NFXL1: variants seen among roughly 807,000 people sequenced by gnomAD.
NFXL1 encodes the protein nuclear transcription factor, X-box binding like 1.
NFXL1 carries 66 observed loss-of-function variants against 123.3 expected under a neutral mutation model. That is an observed-to-expected ratio of 0.54 (90% CI 0.44 to 0.66). The LOEUF (loss-of-function observed/expected upper bound fraction) is 0.66. Ranked by LOEUF, NFXL1 falls within the 30% of genes least tolerant of loss-of-function variation. The pLI is 0.00. For synonymous variants in NFXL1, 346 were observed against 360.8 expected, an observed-to-expected ratio of 0.96 and a Z score of 0.46; for missense variants, 944 against 1,125.6, an observed-to-expected ratio of 0.84 and a Z score of 2.31.
At chr4:47,900,031 T>G (rs1737294258) in intron 5 of NFXL1, among the ~76,000 whole-genome samples, 1 of 152,212 alleles carries the variant, frequency 6.6e-6, no homozygotes, top group African/African-American at 2.4e-5. Context: ...TTTTTAAGTT[T>G]TGTTTTGTGG....
intron 11 of NFXL1, among the ~76,000 whole-genome samples, chr4:47,892,001 T>G (rs1222921333): frequency 1.3e-5 from 2 of 152,150 alleles, no homozygotes; most frequent in East Asian, 3.8e-4. Flanking sequence ...TAATACTATG[T>G]GCCTATCCTA....
intron 17 of NFXL1, among the ~76,000 whole-genome samples, chr4:47,875,765 G>A (rs1735709060): frequency 6.6e-6 from 1 of 152,022 alleles, no homozygotes; most frequent in Admixed American, 6.5e-5. Context: ...ATCTCATCTT[G>A]CCAAAGAGAA....
intron 11 of NFXL1, among the ~76,000 whole-genome samples, chr4:47,893,267 CAG>C (rs1736886919): frequency 6.7e-6 from 1 of 150,338 alleles, no homozygotes; most frequent in South Asian, 2.1e-4. Flanking sequence ...TAGGGGAAAA[CAG>C]AAAAAAAAAT....
intron 22 of NFXL1, among the ~76,000 whole-genome samples, chr4:47,850,380 G>C (rs988952985): frequency 2.6e-5 from 4 of 151,984 alleles, no homozygotes; most frequent in Non-Finnish European, 5.9e-5. Flanking sequence ...TGCAAATCAC[G>C]CAAGTTTCAA....
Position 47,848,025 on chromosome 4 carries a change from T to G in NFXL1, c.*138A>C. The G allele has an allele frequency of 1.8e-6, 1 of 567,752 alleles. No individual in the cohort carries two copies. Among genetic ancestry groups the G allele is most frequent in the African/African-American group, 1.9e-5 (1 of 53,158 alleles). 35.2% of individuals were successfully genotyped at this position (567,752 alleles called of 1,614,324 possible). On this transcript the variant is annotated 3_prime_UTR_variant, in exon 23 of 23. Transcript: ENST00000507489. Reference sequence around the variant, plus strand: ...AATTAAGATAAAGTTTAACATTCTGTCCTTCTAACAACAGCTGAGAGAATA... The same window carrying G: ...AATTAAGATAAAGTTTAACATTCTGGCCTTCTAACAACAGCTGAGAGAATA...
rs531865506 is a variant in NFXL1 at position 47,885,915 on chromosome 4, C to T, written c.1628G>A (p.Arg543His). 19 of 1,613,494 alleles carry T rather than the reference C, an allele frequency of 1.2e-5. No individual in the cohort carries two copies. The highest frequency in any genetic ancestry group is 1.7e-5 in the Admixed American group (1 of 59,986). Residue 543 changes from arginine (R) to histidine (H), a missense_variant, in exon 13 of 23, where the codon CGT (arginine) becomes CAT (histidine). Arg to His is a conservative substitution (Grantham distance 29). Transcript: ENST00000507489. ...CTTGCACTTGGGTGGTCTTGTGGTA[C>T]GTTCTCGGCCACAGGGCACTGTCAC... ...TKVTVPCGRE[R>H]TTRPPKCKEQ...
intron 3 of NFXL1, among the ~76,000 whole-genome samples, chr4:47,907,671 T>A (rs1031216605): frequency 2.0e-5 from 3 of 152,216 alleles, no homozygotes; most frequent in Non-Finnish European, 4.4e-5. Context: ...ATGGATTTTA[T>A]ACAAAACACA....
chr4:47,892,430 T>C (rs1055203477), intron 11 of NFXL1, among the ~76,000 whole-genome samples: 4 of 152,142 alleles, frequency 2.6e-5, no homozygotes, highest in African/African-American at 4.8e-5. Context: ...ACTTCTTGGG[T>C]CTTTGGCTGA....
chr4:47,864,305 T>C (rs896403663), intron 18 of NFXL1, among the ~76,000 whole-genome samples: 92 of 152,210 alleles, frequency 6.0e-4, no homozygotes, highest in African/African-American at 1.8e-3. Flanking sequence ...ATATACATAT[T>C]GGTTTTCGTC....
At chr4:47,872,968 A>T (rs1187876591) in intron 18 of NFXL1, among the ~76,000 whole-genome samples, 1 of 152,208 alleles carries the variant, frequency 6.6e-6, no homozygotes, top group Admixed American at 6.5e-5. Flanking sequence ...AATTCCTATC[A>T]AACCTGCTGC....
At position 47,899,982 on chromosome 4, in the gene NFXL1, T is replaced by C. The variant is rs186070694; in HGVS notation, c.648-434A>G. On this transcript the variant is annotated intron_variant, in intron 5 of 22. Transcript: ENST00000507489. ...TTAGTTTTCTACTAACCACCTGAAC[T>C]TTATTGAGGAATTCACTCTGCTTTT... 2.0e-3 allele frequency among the ~76,000 whole-genome samples: 306 copies of C among 152,314 alleles called. 1 individual carries two copies. Among genetic ancestry groups the C allele is most frequent in the African/African-American group, 7.1e-3 (295 of 41,574 alleles).
intron 22 of NFXL1, among the ~76,000 whole-genome samples, chr4:47,850,279 C>T (rs1198814089): frequency 1.3e-5 from 2 of 152,068 alleles, no homozygotes; most frequent in Admixed American, 6.5e-5. Flanking sequence ...GTCACCTTGG[C>T]CAACCATTAT....
intron 11 of NFXL1, among the ~76,000 whole-genome samples, 176 bp from the exon 12 acceptor site, chr4:47,890,879 T>C (rs962233388): frequency 7.2e-5 from 11 of 152,168 alleles, no homozygotes; most frequent in African/African-American, 2.4e-4. Flanking sequence ...GAACTTATGA[T>C]GACCTAATTT....
chr4:47,857,134 A>G (rs1043203846), intron 19 of NFXL1, among the ~76,000 whole-genome samples: 2 of 152,196 alleles, frequency 1.3e-5, no homozygotes, highest in Non-Finnish European at 2.9e-5. Context: ...TTTATAGGGC[A>G]CATGTAATTT....
At chr4:47,891,106 CTTTTT>C (rs1180771082) in intron 11 of NFXL1, among the ~76,000 whole-genome samples, 18 of 133,236 alleles carry the variant, frequency 1.4e-4, no homozygotes, top group African/African-American at 4.6e-4. Flanking sequence ...TTTTCTTTTT[CTTTTT>C]TTCTTTTTTT....
intron 4 of NFXL1, among the ~76,000 whole-genome samples, chr4:47,904,942 C>G (rs1737498426): frequency 2.0e-5 from 3 of 152,090 alleles, no homozygotes; most frequent in African/African-American, 7.2e-5. Flanking sequence ...TAACATTTCA[C>G]TTTTGTGGGA....
chr4:47,885,698 A>G (rs1736389698), intron 13 of NFXL1, 41 bp from the exon 14 acceptor site: 1 of 1,539,478 alleles, frequency 6.5e-7, no homozygotes, highest in Non-Finnish European at 9.0e-7. Flanking sequence ...ACTTTTAGTC[A>G]TTGAATAATT....
At position 47,909,289 on chromosome 4, in the gene NFXL1, T is replaced by A. The variant is rs570900264; in HGVS notation, c.406+1535A>T. On this transcript the variant is annotated intron_variant, in intron 3 of 22. Coordinates refer to ENST00000507489, the MANE Select transcript of NFXL1 (RefSeq NM_001278624.2). ...TGATTCAAGTGTCAATGTTCTTAAC[T>A]GCTGTACAATGCTGCTTTTTCCCCA... is the stretch of plus-strand genomic sequence containing the variant. Among the ~76,000 whole-genome samples, 41 of 152,336 alleles carry A rather than the reference T, an allele frequency of 2.7e-4. No homozygotes were observed. In the East Asian group the frequency reaches 7.1e-3, roughly 27 times the overall value.
rs1198472471 is a variant in NFXL1, at chr4:47,885,632, T to C, written c.1690A>G (p.Ser564Gly). ...CSRPPTCHHT[S>G]QEKHRCHFGS... is the part of the protein sequence containing the mutation. ...AAGTGACAGCGATGTTTTTCTTGAC[T>C]TGTATGATGACAAGTTGGTGGTCGA... The change falls in exon 14 of 23, where the codon AGT becomes GGT. Residue 564 changes from serine (S) to glycine (G), a missense_variant. By Grantham distance (56) the Ser-to-Gly change is moderately conservative. Transcript: ENST00000507489. 3 of 1,613,718 alleles carry C rather than the reference T, an allele frequency of 1.9e-6. No homozygotes were observed. Among genetic ancestry groups the C allele is most frequent in the Non-Finnish European group, 2.5e-6 (3 of 1,179,818 alleles).
Sources: gnomAD v4.1 joint callset for allele counts (sites outside exome capture counted in the v4.1 genomes callset) on GRCh38, gnomAD v4.1.1 for gene constraint, MANE v1.5 for transcripts, NCBI Gene and HGNC (gene_info 2026-07-23, HGNC 2026-07-21) for gene names.